The following EML5 variants were observed in gnomAD, a reference collection of about 807,000 sequenced individuals.
EML5 encodes the protein EMAP like 5.
In EML5, 120 loss-of-function variants were observed where a neutral mutation model predicts 250.0. The ratio of observed to expected loss-of-function variants is 0.48; its 90% CI spans 0.41 to 0.56. The LOEUF is 0.56. Ranked by LOEUF, EML5 falls within the 20% of genes least tolerant of loss-of-function variation. EML5 has a pLI of 0.00. For synonymous variants in EML5, 771 were observed against 806.5 expected (o/e 0.96, Z 0.75); for missense variants, 2,006 against 2,437.6 (o/e 0.82, Z 3.73).
chr14:88,623,142 A>G (rs914906680), intron 36 of EML5: 1 of 151,952 alleles, frequency 6.6e-6, no homozygotes, highest in Non-Finnish European at 1.5e-5. Context: ...CAGCCTCCCG[A>G]GTAGCTAGCA....
At chr14:88,633,809 C>T (rs1463700722) in intron 33 of EML5, among the ~76,000 whole-genome samples, 1 of 151,146 alleles carries the variant, frequency 6.6e-6, no homozygotes, top group African/African-American at 2.4e-5. Context: ...CAGGGTCTCA[C>T]TATGTTGCCC....
chr14:88,678,792 T>A (rs941620110), intron 21 of EML5, among the ~76,000 whole-genome samples: 1 of 152,192 alleles, frequency 6.6e-6, no homozygotes, highest in African/African-American at 2.4e-5. Flanking sequence ...TTATTCTAGC[T>A]TGAAGACTTT....
Position 88,682,034 on chromosome 14 carries a change from A to G in EML5, c.2983-3T>C, listed in dbSNP as rs1242292217. On this transcript the variant is annotated splice_polypyrimidine_tract_variant and splice_region_variant and intron_variant, in intron 20 of 43. Transcript: ENST00000554922. ...CACACCTCTCCTTCCATGTGTCCCT[A>G]TAAAGAAAACATAGGATCAATTTAG... 2.5e-6 allele frequency: 4 copies of G among 1,586,238 alleles called. No homozygotes were observed. Among genetic ancestry groups the G allele is most frequent in the Admixed American group, 1.9e-5 (1 of 53,108 alleles).
At chr14:88,755,195 C>T (rs1232030723) in intron 1 of EML5, among the ~76,000 whole-genome samples, 2 of 152,178 alleles carry the variant, frequency 1.3e-5, no homozygotes, top group Non-Finnish European at 2.9e-5. Flanking sequence ...TAATGATAAG[C>T]TAATTATACC....
intron 27 of EML5, among the ~76,000 whole-genome samples, chr14:88,652,290 G>A (rs554862116): frequency 6.6e-6 from 1 of 152,162 alleles, no homozygotes; most frequent in South Asian, 2.1e-4. Flanking sequence ...ATCAGCAAAC[G>A]ACACCTGGAA....
chr14:88,639,897 G>T (rs1405763826), intron 31 of EML5, among the ~76,000 whole-genome samples: 1 of 152,032 alleles, frequency 6.6e-6, no homozygotes, highest in African/African-American at 2.4e-5. Flanking sequence ...GAAGTTTTTT[G>T]ATCAAATAAG....
Position 88,612,690 on chromosome 14 carries a change from T to C in EML5, c.*3128A>G, listed in dbSNP as rs149251333. 1,678 of 152,718 alleles carry C rather than the reference T, an allele frequency of 0.011. 16 individuals are homozygous for C. The highest frequency in any genetic ancestry group is 0.015 in the Non-Finnish European group (1,010 of 68,020). 9.5% of individuals were successfully genotyped at this position (152,718 alleles called of 1,614,324 possible). A position where few individuals can be genotyped will look rare whatever the true frequency, so the allele number is the denominator to read the frequency against. On this transcript the variant is annotated 3_prime_UTR_variant, in exon 44 of 44. Transcript: ENST00000554922. ...TAAAAATTAGATTTAAATAGTATATTTTAAATGACAGAACTATAATTACAG... is the reference window on the plus strand; with the variant it reads ...TAAAAATTAGATTTAAATAGTATATCTTAAATGACAGAACTATAATTACAG...
chr14:88,696,115 C>T (rs1445448098), intron 15 of EML5, among the ~76,000 whole-genome samples: 2 of 151,818 alleles, frequency 1.3e-5, no homozygotes, highest in African/African-American at 2.4e-5. Context: ...TGGTGACTCA[C>T]TTAGCTTGCA....
In EML5 at chr14:88,688,353, A is replaced by C; in HGVS notation, c.2660T>G (p.Val887Gly). The C allele has an allele frequency of 6.2e-7, 1 of 1,613,970 alleles. No individual in the cohort carries two copies. The highest frequency in any genetic ancestry group is 8.5e-7 in the Non-Finnish European group (1 of 1,179,888). ...MAFSGTSTGDVCIWRDIFLVK... is the reference protein window; with the variant it reads ...MAFSGTSTGDGCIWRDIFLVK... The stretch of plus-strand genomic sequence containing the variant: ...AAGAAAGATGTCTCTCCAGATACAC[A>C]CATCTCCTGTGGATGTTCCAGAAAA... Residue 887 changes from valine (V) to glycine (G), a missense_variant, in exon 18 of 44, where the codon GTG becomes GGG. By Grantham distance (109) the Val-to-Gly change is moderately radical. Around this residue, in one of 7 missense-constraint regions of EML5, gnomAD observed 1,375 missense variants for 1,590.3 expected, o/e 0.86. Coordinates refer to ENST00000554922, the MANE Select transcript of EML5 (RefSeq NM_183387.3).
chr14:88,657,640 G>A, intron 26 of EML5, 138 bp from the exon 27 acceptor site: 1 of 722,104 alleles, frequency 1.4e-6, no homozygotes, highest in Admixed American at 3.8e-5. Context: ...TATACAACCA[G>A]AAAAAACGAT....
chr14:88,641,713 CTA>C (rs2091076103), intron 31 of EML5, among the ~76,000 whole-genome samples: 1 of 152,066 alleles, frequency 6.6e-6, no homozygotes, highest in Admixed American at 6.6e-5. Flanking sequence ...ACTTCCTACA[CTA>C]TGCACAATGT....
At chr14:88,653,884 G>C (rs1284828306) in intron 27 of EML5, among the ~76,000 whole-genome samples, 1 of 152,114 alleles carries the variant, frequency 6.6e-6, no homozygotes, top group East Asian at 1.9e-4. Flanking sequence ...GCTCCTCTTT[G>C]TACTTCTGGT....
At chr14:88,625,235 AGCATGCATCGT>A in intron 35 of EML5, 108 bp from the exon 36 acceptor site, 1 of 1,308,178 alleles carries the variant, frequency 7.6e-7, no homozygotes, top group Non-Finnish European at 1.0e-6. Context: ...TGATACAAAG[AGCATGCATCGT>A]GTAGTGGCAG....
At chr14:88,719,389 C>T (rs2093555085) in intron 8 of EML5, among the ~76,000 whole-genome samples, 1 of 152,126 alleles carries the variant, frequency 6.6e-6, no homozygotes, top group South Asian at 2.1e-4. Context: ...TTGTCTCAAT[C>T]AATAAATAAA....
chr14:88,652,669 T>TCACCTCCCACTGCTGTTCC (rs1360789002), intron 27 of EML5, among the ~76,000 whole-genome samples: 22 of 152,314 alleles, frequency 1.4e-4, no homozygotes, highest in African/African-American at 5.1e-4. Flanking sequence ...AACCTTGTTC[T>TCACCTCCCACTGCTGTTCC]CACCTCCCAC....
At chr14:88,656,520 G>T (rs951568948) in intron 27 of EML5, among the ~76,000 whole-genome samples, 2 of 152,120 alleles carry the variant, frequency 1.3e-5, no homozygotes, top group Admixed American at 6.6e-5. Flanking sequence ...TAATGTAGAT[G>T]ATGGGCTGAT....
intron 19 of EML5, among the ~76,000 whole-genome samples, chr14:88,686,004 A>G (rs545289795): frequency 6.6e-6 from 1 of 152,216 alleles, no homozygotes; most frequent in East Asian, 1.9e-4. Flanking sequence ...AGTAAAGATG[A>G]TAGACTCAAC....
At chr14:88,647,583 A>G (rs2091414187) in intron 28 of EML5, among the ~76,000 whole-genome samples, 2 of 146,458 alleles carry the variant, frequency 1.4e-5, no homozygotes, top group African/African-American at 5.0e-5. Context: ...TCCCAGCTAC[A>G]TGGGAGGGTG....
chr14:88,654,359 A>C (rs906782144), intron 27 of EML5, among the ~76,000 whole-genome samples: 7 of 151,790 alleles, frequency 4.6e-5, no homozygotes, highest in Non-Finnish European at 8.8e-5. Flanking sequence ...TAGTTCTTTT[A>C]ATTGTGATGT....
Sources: allele counts gnomAD v4.1 joint callset (sites outside exome capture counted in the v4.1 genomes callset), GRCh38; gene constraint gnomAD v4.1.1; regional missense constraint gnomAD v4.1.1; transcripts MANE v1.5; gene names NCBI Gene and HGNC (gene_info 2026-07-23, HGNC 2026-07-21).